The following PHRF1 variants were observed in gnomAD, a reference collection of about 807,000 sequenced individuals.
PHRF1 encodes PHD and ring finger domains 1.
PHRF1 carries 53 observed loss-of-function variants against 128.9 expected under a neutral mutation model. The observed-to-expected ratio is 0.41, with a 90% CI of 0.33 to 0.52. The LOEUF is 0.52. PHRF1 is among the 20% of genes least tolerant of loss of function. The pLI, the probability that PHRF1 is intolerant of heterozygous loss-of-function variation, is 0.21. For synonymous variants in PHRF1, 1,178 were observed against 980.6 expected (o/e 1.20, Z -3.76); for missense variants, 2,503 against 2,284.5 (o/e 1.10, Z -1.95).
rs926927166 is a variant in PHRF1, at chr11:610,995, G to A, written c.4719G>A (p.Glu1573=). The change falls in exon 17 of 18, where the codon GAG becomes GAA. Residue 1573 remains glutamate (E), a synonymous_variant. Coordinates refer to ENST00000264555, the MANE Select transcript of PHRF1 (RefSeq NM_001286581.2). ...ACATGCAGGAGCGTGCTGTGGAGGA[G>A]GTGAAGCTGGCCATCAAGCCCTTCT... ...KLHMQERAVE[E]VKLAIKPFYQ... 3 of 1,613,422 alleles carry A rather than the reference G, an allele frequency of 1.9e-6. No homozygotes were observed. The highest frequency in any genetic ancestry group is 2.5e-6 in the Non-Finnish European group (3 of 1,179,824).
intron 5 of PHRF1, among the ~76,000 whole-genome samples, chr11:592,119 G>A (rs1217326405): frequency 6.6e-6 from 1 of 151,812 alleles, no homozygotes; most frequent in African/African-American, 2.4e-5. Context: ...GTTTCACTGT[G>A]TTAGCCAGGA....
rs199984677 is a variant in PHRF1, at chr11:609,278, C to T, written c.3822C>T (p.Phe1274=). 7.9e-5 allele frequency: 127 copies of T among 1,612,432 alleles called. 1 individual carries two copies. In the Middle Eastern group the frequency reaches 1.5e-3, roughly 19 times the overall value. ...AGGCCGGACACGTCTTTGATGATTT[C>T]TCAAGCGACGCCGTTTTCATCCAGC... ...SVEAGHVFDD[F]SSDAVFIQLD... is the part of the protein sequence containing the mutation. Residue 1274 remains phenylalanine (F), a synonymous_variant, in exon 14 of 18, where the codon TTC becomes TTT. Coordinates refer to ENST00000264555, the MANE Select transcript of PHRF1 (RefSeq NM_001286581.2).
chr11:593,086 A>G (rs1253673864), intron 6 of PHRF1, among the ~76,000 whole-genome samples: 1 of 152,030 alleles, frequency 6.6e-6, no homozygotes, highest in Non-Finnish European at 1.5e-5. Flanking sequence ...GTGCATGTCC[A>G]GTTATGCTGC....
Position 595,143 on chromosome 11 carries a change from C to T in PHRF1, c.621-1780C>T, listed in dbSNP as rs941903428. 6.6e-5 allele frequency among the ~76,000 whole-genome samples: 10 copies of T among 152,082 alleles called. No individual in the cohort carries two copies. The East Asian group carries it at 9.7e-4, about 15-fold the overall frequency. ...TTCGAGACCAGCCTGGCCAACATGGCGAAACCCCGTCTCTACTAAAAATAA... is the reference window on the plus strand; with the variant it reads ...TTCGAGACCAGCCTGGCCAACATGGTGAAACCCCGTCTCTACTAAAAATAA... On this transcript the variant is annotated intron_variant, in intron 6 of 17. Transcript: ENST00000264555.
rs1386517439 is a variant in PHRF1, at chr11:608,482, G to A, written c.3026G>A (p.Arg1009Lys). 1 of 1,612,522 alleles carries A rather than the reference G, an allele frequency of 6.2e-7. No individual in the cohort carries two copies. Among genetic ancestry groups the A allele is most frequent in the Non-Finnish European group, 8.5e-7 (1 of 1,179,852 alleles). ...SRSRKKAKRK[R>K]VSREHGRTRS... is the part of the protein sequence containing the mutation. ...AGCAGGAAGAAGGCCAAGAGGAAGA[G>A]GGTGTCCAGGGAGCACGGACGGACG... The change falls in exon 14 of 18, where the codon AGG becomes AAG. Residue 1009 changes from arginine to lysine, a missense_variant. By Grantham distance (26) the Arg-to-Lys change is conservative. Transcript: ENST00000264555.
Position 607,971 on chromosome 11 carries a change from G to A in PHRF1, c.2515G>A (p.Asp839Asn), listed in dbSNP as rs1404363789. The A allele has an allele frequency of 8.7e-6, 14 of 1,611,578 alleles. No homozygotes were observed. The highest frequency in any genetic ancestry group is 2.7e-5 in the African/African-American group (2 of 74,906). ...CGACCCATCCGACCCCACCGGCTCC[G>A]ACTCCAGCGCCCCTGGCAGCAGCCC... The part of the protein sequence containing the change: ...VYDPSDPTGS[D>N]SSAPGSSPER... Residue 839 changes from aspartate to asparagine, a missense_variant, in exon 14 of 18, where the codon GAC becomes AAC. Coordinates refer to ENST00000264555, the MANE Select transcript of PHRF1 (RefSeq NM_001286581.2).
At chr11:587,920 C>A (rs1023618192) in intron 4 of PHRF1, among the ~76,000 whole-genome samples, 1 of 152,146 alleles carries the variant, frequency 6.6e-6, no homozygotes, top group Non-Finnish European at 1.5e-5. Flanking sequence ...TAGAGTTTAC[C>A]GTAAACGTGC....
At position 607,784 on chromosome 11, in the gene PHRF1, C is replaced by A; in HGVS notation, c.2328C>A (p.Ser776Arg). The change falls in exon 14 of 18, where the codon AGC (serine) becomes AGA (arginine). Residue 776 changes from serine (S) to arginine (R), a missense_variant. By Grantham distance (110) the Ser-to-Arg change is moderately radical. Coordinates refer to ENST00000264555, the MANE Select transcript of PHRF1 (RefSeq NM_001286581.2). Reference sequence around the variant, plus strand: ...AAGGGGTCGGGTCGACCTTTGAGAGCTTCCGGATCAATATTCCTGGAAACA... The same window carrying A: ...AAGGGGTCGGGTCGACCTTTGAGAGATTCCGGATCAATATTCCTGGAAACA... Reference protein sequence around the residue: ...RGKGVGSTFESFRINIPGNMA... With the variant: ...RGKGVGSTFERFRINIPGNMA... The A allele has an allele frequency of 6.2e-7, 1 of 1,612,720 alleles. No individual in the cohort carries two copies. Among genetic ancestry groups the A allele is most frequent in the Non-Finnish European group, 8.5e-7 (1 of 1,179,876 alleles).
intron 1 of PHRF1, among the ~76,000 whole-genome samples, chr11:579,939 C>G (rs1187858617): frequency 6.6e-6 from 1 of 152,188 alleles, no homozygotes; most frequent in Non-Finnish European, 1.5e-5. Flanking sequence ...GGTTTCCAGA[C>G]AGCAGTGGCG....
In PHRF1 at chr11:607,207, G is replaced by C. The variant is rs1856002501; in HGVS notation, c.1751G>C (p.Ser584Thr). Residue 584 changes from serine (S) to threonine (T), a missense_variant, in exon 14 of 18, where the codon AGC (serine) becomes ACC (threonine). By Grantham distance (58) the Ser-to-Thr change is moderately conservative (BLOSUM62 1). Coordinates refer to ENST00000264555, the MANE Select transcript of PHRF1 (RefSeq NM_001286581.2). ...SGNRPQSTGLSCQGRSRTPAR... is the reference protein window; with the variant it reads ...SGNRPQSTGLTCQGRSRTPAR... ...AACAGGCCACAGAGCACAGGGCTCA[G>C]CTGTCAAGGCAGGTCCCGCACCCCC... The C allele has an allele frequency of 1.9e-6, 3 of 1,612,406 alleles. No individual in the cohort carries two copies. In the African/African-American group the frequency reaches 4.0e-5, roughly 22 times the overall value.
At chr11:591,154 C>T (rs1854947933) in intron 4 of PHRF1, among the ~76,000 whole-genome samples, 1 of 152,220 alleles carries the variant, frequency 6.6e-6, no homozygotes, top group Non-Finnish European at 1.5e-5. Flanking sequence ...TTACTTGTCA[C>T]TGAGATGCTA....
chr11:608,035 C>A lies in PHRF1; in HGVS notation c.2579C>A (p.Thr860Lys), dbSNP rs1424965063. Reference sequence around the variant, plus strand: ...CCCGGCCTCCTGCCCTCTGAGATCACACGAACCATCTCCATCAACAGCCCG... The same window carrying A: ...CCCGGCCTCCTGCCCTCTGAGATCAAACGAACCATCTCCATCAACAGCCCG... ...SGPGLLPSEI[T>K]RTISINSPKA... The change falls in exon 14 of 18, where the codon ACA (threonine) becomes AAA (lysine). Residue 860 changes from threonine to lysine, a missense_variant. By Grantham distance (78) the Thr-to-Lys change is moderately conservative. Transcript: ENST00000264555. 6.2e-7 allele frequency: 1 copy of A among 1,611,320 alleles called. No homozygotes were observed. Among genetic ancestry groups the A allele is most frequent in the Non-Finnish European group, 8.5e-7 (1 of 1,179,864 alleles).
At chr11:585,556 C>A in intron 3 of PHRF1, among the ~76,000 whole-genome samples, 1 of 83,536 alleles carries the variant, frequency 1.2e-5, no homozygotes. Context: ...AGGTAGTAGC[C>A]CTTTCCAGCT....
At chr11:582,670 G>A (rs1338059695) in intron 3 of PHRF1, among the ~76,000 whole-genome samples, 3 of 151,764 alleles carry the variant, frequency 2.0e-5, no homozygotes, top group African/African-American at 4.8e-5. Context: ...GACTACAGGC[G>A]CCCGCCACCA....
At chr11:581,683 T>G in intron 2 of PHRF1, 77 bp downstream of exon 2, 1 of 1,334,222 alleles carries the variant, frequency 7.5e-7, no homozygotes, top group Non-Finnish European at 1.0e-6. Flanking sequence ...AGGTCGTCTG[T>G]GTGTGTCACT....
intron 6 of PHRF1, among the ~76,000 whole-genome samples, chr11:593,426 G>A (rs1368857107): frequency 6.6e-6 from 1 of 152,254 alleles, no homozygotes; most frequent in Non-Finnish European, 1.5e-5. Context: ...AGGCCTTGAC[G>A]TGCCGCGGCT....
chr11:598,635 C>G (rs1038020808), intron 9 of PHRF1, 133 bp downstream of exon 9: 1 of 1,367,648 alleles, frequency 7.3e-7, no homozygotes. Context: ...CTGCTGAAAA[C>G]ACTACACAGA....
intron 3 of PHRF1, among the ~76,000 whole-genome samples, chr11:585,846 A>G (rs1050211616): frequency 3.3e-5 from 5 of 150,988 alleles, no homozygotes; most frequent in African/African-American, 9.8e-5. Flanking sequence ...GCGTCCAGCT[A>G]ATTTTTTGTA....
intron 6 of PHRF1, among the ~76,000 whole-genome samples, chr11:595,577 C>T (rs1469093038): frequency 1.3e-5 from 2 of 152,166 alleles, no homozygotes; most frequent in African/African-American, 2.4e-5. Context: ...CTCGGCAGCC[C>T]TCCTTGTCCC....
Sources: gnomAD v4.1 joint callset for allele counts (sites outside exome capture counted in the v4.1 genomes callset) on GRCh38, gnomAD v4.1.1 for gene constraint, MANE v1.5 for transcripts, NCBI Gene and HGNC (gene_info 2026-07-23, HGNC 2026-07-21) for gene names.